ASH1L: variants seen among roughly 807,000 people sequenced by gnomAD.
The protein encoded by ASH1L is ASH1 like histone lysine methyltransferase.
A neutral mutation model predicts 269.0 loss-of-function variants in ASH1L; 23 were observed. That is an observed-to-expected ratio of 0.09 (90% CI 0.06 to 0.12). The LOEUF (loss-of-function observed/expected upper bound fraction) is 0.12. ASH1L is among the 10% of genes least tolerant of loss of function. The pLI, the probability that ASH1L is intolerant of heterozygous loss-of-function variation, is 1.00. For missense variants in ASH1L, 2,912 were observed against 3,567.8 expected, an observed-to-expected ratio of 0.82 and a Z score of 4.68; for synonymous variants, 1,187 against 1,253.5, an observed-to-expected ratio of 0.95 and a Z score of 1.12.
intron 6 of ASH1L, among the ~76,000 whole-genome samples, chr1:155,400,002 C>T (rs964177478): frequency 6.6e-6 from 1 of 152,140 alleles, no homozygotes; most frequent in African/African-American, 2.4e-5. Flanking sequence ...TGCAACAGTT[C>T]TGCAGGAAGT....
chr1:155,559,168 G>A (rs1671794664), intron 1 of ASH1L, among the ~76,000 whole-genome samples: 2 of 152,080 alleles, frequency 1.3e-5, no homozygotes, highest in African/African-American at 2.4e-5. Context: ...TAAACGCACT[G>A]TAGAAATATA....
At chr1:155,444,142 C>A (rs1662813943) in intron 4 of ASH1L, among the ~76,000 whole-genome samples, 1 of 151,940 alleles carries the variant, frequency 6.6e-6, no homozygotes, top group Non-Finnish European at 1.5e-5. Flanking sequence ...TGCCACCATG[C>A]CTGGCTAATT....
intron 6 of ASH1L, among the ~76,000 whole-genome samples, chr1:155,400,089 T>G (rs1658703046): frequency 6.6e-6 from 1 of 152,218 alleles, no homozygotes; most frequent in Non-Finnish European, 1.5e-5. Context: ...GGCTCACGCC[T>G]GTAATCCCAA....
At chr1:155,504,993 C>T (rs893086645) in intron 2 of ASH1L, among the ~76,000 whole-genome samples, 2 of 152,054 alleles carry the variant, frequency 1.3e-5, no homozygotes, top group African/African-American at 4.8e-5. Flanking sequence ...TAAGAGGAAT[C>T]CTACTACAAA....
intron 2 of ASH1L, among the ~76,000 whole-genome samples, chr1:155,488,120 C>T (rs1174662662): frequency 4.7e-5 from 7 of 149,138 alleles, no homozygotes; most frequent in Admixed American, 4.0e-4. Context: ...CTCCTGACCT[C>T]GTGATCCACC....
intron 2 of ASH1L, among the ~76,000 whole-genome samples, chr1:155,494,570 T>C (rs549442301): frequency 5.3e-5 from 8 of 152,314 alleles, no homozygotes; most frequent in African/African-American, 1.9e-4. Flanking sequence ...AAGTGAATAC[T>C]AGGAGAGGGC....
chr1:155,543,010 T>A (rs189655936), intron 1 of ASH1L, among the ~76,000 whole-genome samples: 6,798 of 151,982 alleles, frequency 0.045, 188 homozygotes, highest in Middle Eastern at 0.082. Flanking sequence ...ACTTTTTTTT[T>A]AAATATTTTA....
intron 5 of ASH1L, among the ~76,000 whole-genome samples, chr1:155,422,706 TG>T (rs1660803538): frequency 6.6e-6 from 1 of 151,446 alleles, no homozygotes; most frequent in African/African-American, 2.4e-5. Flanking sequence ...TGGAGTGCAG[TG>T]GCGTGATCTC....
chr1:155,536,450 T>C (rs1192968471), intron 1 of ASH1L, among the ~76,000 whole-genome samples: 2 of 152,206 alleles, frequency 1.3e-5, no homozygotes, highest in African/African-American at 4.8e-5. Context: ...TAACTTGTTA[T>C]CATCCTTGAC....
intron 3 of ASH1L, among the ~76,000 whole-genome samples, chr1:155,462,705 TAGG>T (rs2148679774): frequency 1.3e-5 from 2 of 152,368 alleles, no homozygotes; most frequent in South Asian, 2.1e-4. Context: ...TAGGATTTAA[TAGG>T]AGATTTGAGT....
At position 155,346,150 on chromosome 1, in the gene ASH1L, T is replaced by C. The variant is rs568303432; in HGVS notation, c.7890+233A>G. 14 of 1,418,762 alleles carry C rather than the reference T, an allele frequency of 9.9e-6. No individual in the cohort carries two copies. The East Asian group carries it at 1.7e-4, about 17-fold the overall frequency. 87.9% of individuals were successfully genotyped at this position (1,418,762 alleles called of 1,614,324 possible). On this transcript the variant is annotated intron_variant, in intron 21 of 27. Transcript: ENST00000392403. ...TGCCCGGCCAAAAACCTTAGTTTTA[T>C]ATAGTGCCATTCCTTCCACAGATTT...
chr1:155,473,008 T>C (rs1665224412), intron 3 of ASH1L, among the ~76,000 whole-genome samples: 1 of 152,252 alleles, frequency 6.6e-6, no homozygotes, highest in African/African-American at 2.4e-5. Flanking sequence ...GTATACAGTA[T>C]GTTTTGTTAT....
At position 155,439,009 on chromosome 1, in the gene ASH1L, T is replaced by A; in HGVS notation, c.5146A>T (p.Ser1716Cys). The A allele has an allele frequency of 6.2e-7, 1 of 1,614,132 alleles. No individual in the cohort carries two copies. Among genetic ancestry groups the A allele is most frequent in the Non-Finnish European group, 8.5e-7 (1 of 1,180,008 alleles). The change falls in exon 5 of 28, where the codon AGT becomes TGT. Residue 1716 changes from serine (S) to cysteine (C), a missense_variant. Coordinates refer to ENST00000392403, the MANE Select transcript of ASH1L (RefSeq NM_018489.3). Reference protein sequence around the residue: ...LVASGDDSVDSLLQRMVQNED... With the variant: ...LVASGDDSVDCLLQRMVQNED... ...TTTTGTACCATCCGCTGCAGCAGAC[T>A]ATCCACAGAGTCATCCCCAGAAGCA...
In ASH1L at chr1:155,374,050, C is replaced by T. The variant is rs544964504; in HGVS notation, c.6333-3067G>A. 2.0e-4 allele frequency among the ~76,000 whole-genome samples: 31 copies of T among 152,184 alleles called. No homozygotes were observed. In the Middle Eastern group the frequency reaches 0.01, roughly 50 times the overall value. On this transcript the variant is annotated intron_variant, in intron 10 of 27. Transcript: ENST00000392403. ...TATTTATAATAATAATTTTAAAGGC[C>T]GGGCACGGTGGCTCATGCCTGTAAT...
At chr1:155,427,816 T>C (rs909719038) in intron 5 of ASH1L, among the ~76,000 whole-genome samples, 15 of 152,140 alleles carry the variant, frequency 9.9e-5, no homozygotes, top group African/African-American at 3.6e-4. Context: ...TGAGACCTGG[T>C]GGGAGGTGAC....
chr1:155,527,207 CAA>C (rs899335996), intron 1 of ASH1L, among the ~76,000 whole-genome samples: 12 of 147,750 alleles, frequency 8.1e-5, no homozygotes, highest in African/African-American at 2.5e-4. Flanking sequence ...GACTCCGTCT[CAA>C]AAAAAAAGAA....
intron 4 of ASH1L, among the ~76,000 whole-genome samples, chr1:155,447,797 C>T (rs917348131): frequency 2.0e-5 from 3 of 152,058 alleles, no homozygotes; most frequent in African/African-American, 7.2e-5. Context: ...AATATTTTCT[C>T]CCATTCTGTG....
chr1:155,417,970 AAAG>A (rs1660354311), intron 5 of ASH1L, among the ~76,000 whole-genome samples: 1 of 152,162 alleles, frequency 6.6e-6, no homozygotes, highest in African/African-American at 2.4e-5. Flanking sequence ...AAAAAAAAAA[AAAG>A]ACTAGCCTTA....
intron 6 of ASH1L, among the ~76,000 whole-genome samples, chr1:155,401,217 C>T (rs1658818461): frequency 6.6e-6 from 1 of 151,998 alleles, no homozygotes; most frequent in South Asian, 2.1e-4. Flanking sequence ...TGGCTCACAC[C>T]TGTAATCCTA....
Sources: gnomAD v4.1 joint callset for allele counts (sites outside exome capture counted in the v4.1 genomes callset) on GRCh38, gnomAD v4.1.1 for gene constraint, MANE v1.5 for transcripts, NCBI Gene and HGNC (gene_info 2026-07-23, HGNC 2026-07-21) for gene names.